TENM3: variants seen among roughly 807,000 people sequenced by gnomAD.
TENM3 encodes the protein teneurin transmembrane protein 3.
Under a neutral mutation model 255.1 loss-of-function variants are expected in TENM3, and 63 were observed. That is an observed-to-expected ratio of 0.25 (90% CI 0.20 to 0.30). The LOEUF is 0.30. Ranked by LOEUF, TENM3 falls within the 10% of genes least tolerant of loss-of-function variation. The pLI, the probability that TENM3 is intolerant of heterozygous loss-of-function variation, is 1.00. For missense variants in TENM3, 2,929 were observed against 3,461.1 expected, an observed-to-expected ratio of 0.85 and a Z score of 3.86; for synonymous variants, 1,306 against 1,322.3, an observed-to-expected ratio of 0.99 and a Z score of 0.27.
intron 22 of TENM3, among the ~76,000 whole-genome samples, chr4:182,757,437 C>A (rs1762826992): frequency 6.6e-6 from 1 of 151,872 alleles, no homozygotes; most frequent in Admixed American, 6.6e-5. Context: ...GGTACTCAAG[C>A]CCTGCTCTCC....
chr4:182,101,054 A>AAGGAACAGAGGAAGGG, the TENM3 span, among the ~76,000 whole-genome samples: 26,111 of 26,664 alleles, frequency 0.98, 12,863 homozygotes, highest in Middle Eastern at 1. Context: ...CAAAAAAAGG[A>AAGGAACAGAGGAAGGG]AGGAAGGGAG....
intron 3 of TENM3, among the ~76,000 whole-genome samples, chr4:182,489,036 T>C (rs1029750256): frequency 1.3e-5 from 2 of 152,170 alleles, no homozygotes; most frequent in African/African-American, 4.8e-5. Flanking sequence ...TTTTAAATGA[T>C]TTTATTACTT....
chr4:182,675,626 T>A (rs1755607104), intron 7 of TENM3, among the ~76,000 whole-genome samples: 1 of 152,092 alleles, frequency 6.6e-6, no homozygotes, highest in Admixed American at 6.5e-5. Context: ...TTTATAGCAA[T>A]TGTCCAGTGA....
the TENM3 span, among the ~76,000 whole-genome samples, chr4:181,477,737 T>C: frequency 3.3e-5 from 5 of 152,302 alleles, no homozygotes; most frequent in East Asian, 5.8e-4. Context: ...ATCCAACTAA[T>C]TGGAAAGCAT....
At chr4:181,574,392 G>A in the TENM3 span, among the ~76,000 whole-genome samples, 14,379 of 151,726 alleles carry the variant, frequency 0.095, 901 homozygotes, top group Non-Finnish European at 0.13. Flanking sequence ...TTAGCCGGGC[G>A]CGGTGGCGGG....
At chr4:181,523,245 A>G in the TENM3 span, among the ~76,000 whole-genome samples, 1 of 152,182 alleles carries the variant, frequency 6.6e-6, no homozygotes, top group Non-Finnish European at 1.5e-5. Flanking sequence ...CAGAACTTGG[A>G]CTGCATAGTT....
At chr4:181,630,370 C>T in the TENM3 span, among the ~76,000 whole-genome samples, 4 of 151,976 alleles carry the variant, frequency 2.6e-5, no homozygotes, top group Admixed American at 2.6e-4. Context: ...TTATTTATTG[C>T]CTTCCGCTAG....
chr4:182,288,120 G>A (rs957807652), intron 1 of TENM3, among the ~76,000 whole-genome samples: 3 of 151,350 alleles, frequency 2.0e-5, no homozygotes, highest in Non-Finnish European at 4.4e-5. Flanking sequence ...ATTTATAGTA[G>A]AGACGAGATT....
the TENM3 span, among the ~76,000 whole-genome samples, chr4:181,847,059 C>T: frequency 1.3e-5 from 2 of 152,204 alleles, no homozygotes; most frequent in African/African-American, 2.4e-5. Flanking sequence ...CCTTACTGTC[C>T]TGCAGTGAGA....
the TENM3 span, among the ~76,000 whole-genome samples, chr4:181,641,408 C>A: frequency 6.6e-6 from 1 of 150,904 alleles, no homozygotes; most frequent in Non-Finnish European, 1.5e-5. Flanking sequence ...TGTTCAGCTC[C>A]CACTTATGAG....
the TENM3 span, among the ~76,000 whole-genome samples, chr4:181,719,613 GACCT>G: frequency 6.6e-6 from 1 of 152,168 alleles, no homozygotes; most frequent in Non-Finnish European, 1.5e-5. Flanking sequence ...GAGCCCTTAT[GACCT>G]AATTATCTCC....
At chr4:181,978,377 G>A in the TENM3 span, among the ~76,000 whole-genome samples, 1 of 152,252 alleles carries the variant, frequency 6.6e-6, no homozygotes, top group East Asian at 1.9e-4. Context: ...GGCTGGGCGT[G>A]GTGGCTCATG....
At chr4:181,875,654 G>T in the TENM3 span, among the ~76,000 whole-genome samples, 1 of 152,126 alleles carries the variant, frequency 6.6e-6, no homozygotes, top group Non-Finnish European at 1.5e-5. Context: ...TTCCTGCCAT[G>T]TTTGATGGAA....
At chr4:182,305,429 G>A (rs778764648) in intron 1 of TENM3, among the ~76,000 whole-genome samples, 5 of 152,144 alleles carry the variant, frequency 3.3e-5, no homozygotes, top group South Asian at 2.1e-4. Flanking sequence ...GAAGTAGGCC[G>A]TGAATACTGT....
At chr4:181,961,296 G>A in the TENM3 span, among the ~76,000 whole-genome samples, 7 of 152,170 alleles carry the variant, frequency 4.6e-5, no homozygotes, top group Non-Finnish European at 8.8e-5. Flanking sequence ...TGTTTTACAT[G>A]GGAGTATTTT....
At chr4:182,107,288 G>A in the TENM3 span, among the ~76,000 whole-genome samples, 1 of 152,230 alleles carries the variant, frequency 6.6e-6, no homozygotes, top group South Asian at 2.1e-4. Context: ...CTGCCCAGGA[G>A]GATACAGTCT....
At chr4:181,492,376 G>A in the TENM3 span, among the ~76,000 whole-genome samples, 2 of 152,148 alleles carry the variant, frequency 1.3e-5, no homozygotes, top group Non-Finnish European at 2.9e-5. Context: ...AAGAGGCATT[G>A]TAAGTATGAA....
Position 182,801,318 on chromosome 4 carries a change from G to C in TENM3, c.*967G>C, listed in dbSNP as rs1223225322. 1 of 152,236 alleles carries C rather than the reference G, an allele frequency of 6.6e-6. No homozygotes were observed. Among genetic ancestry groups the C allele is most frequent in the Non-Finnish European group, 1.5e-5 (1 of 68,020 alleles). The allele number at this position is 152,236 out of a possible 1,614,324, so 9.4% of individuals were successfully genotyped here. Reference sequence around the variant, plus strand: ...GGATAGGACCGTGCAATTCTAGGTGGGTGGCGAATCAGAGAGCTCCTTTCT... The same window carrying C: ...GGATAGGACCGTGCAATTCTAGGTGCGTGGCGAATCAGAGAGCTCCTTTCT... On this transcript the variant is annotated 3_prime_UTR_variant, in exon 28 of 28. Transcript: ENST00000511685.
chr4:182,069,154 A>G, the TENM3 span, among the ~76,000 whole-genome samples: 1 of 152,228 alleles, frequency 6.6e-6, no homozygotes, highest in Non-Finnish European at 1.5e-5. Flanking sequence ...CCCAGTAATA[A>G]GCAAAGTAAA....
Sources: allele counts gnomAD v4.1 joint callset (sites outside exome capture counted in the v4.1 genomes callset), GRCh38; gene constraint gnomAD v4.1.1; transcripts MANE v1.5; gene names NCBI Gene and HGNC (gene_info 2026-07-23, HGNC 2026-07-21).